NRXN3: variants seen among roughly 807,000 people sequenced by gnomAD.
NRXN3 encodes the protein neurexin 3, also known as neurexin III.
Under a neutral mutation model 137.6 loss-of-function variants are expected in NRXN3, and 32 were observed. That is an observed-to-expected ratio of 0.23 (90% CI 0.18 to 0.31). The LOEUF is 0.31. Ranked by LOEUF, NRXN3 falls within the 10% of genes least tolerant of loss-of-function variation. NRXN3 has a pLI of 1.00. For missense variants in NRXN3, 1,574 were observed against 2,062.5 expected (o/e 0.76, Z 4.59); for synonymous variants, 798 against 784.5 (o/e 1.02, Z -0.29).
At chr14:79,233,666 C>CTGTGTGTG (rs143246182) in intron 15 of NRXN3, among the ~76,000 whole-genome samples, 30 of 145,070 alleles carry the variant, frequency 2.1e-4, no homozygotes, top group African/African-American at 6.5e-4. Flanking sequence ...AGTATAACTG[C>CTGTGTGTG]TGTGTGTGTG....
At chr14:79,300,536 A>G (rs777565203) in intron 15 of NRXN3, among the ~76,000 whole-genome samples, 10 of 151,996 alleles carry the variant, frequency 6.6e-5, no homozygotes, top group Non-Finnish European at 1.2e-4. Flanking sequence ...TCTGGTTATT[A>G]GGCTGAGGAG....
chr14:79,772,447 G>A (rs370022498), intron 19 of NRXN3, among the ~76,000 whole-genome samples: 58 of 149,638 alleles, frequency 3.9e-4, no homozygotes, highest in Admixed American at 6.6e-4. Context: ...CAATGGAACA[G>A]AACAGAGCCC....
At chr14:79,138,716 T>C (rs1274533672) in intron 15 of NRXN3, among the ~76,000 whole-genome samples, 1 of 152,316 alleles carries the variant, frequency 6.6e-6, no homozygotes, top group Admixed American at 6.5e-5. Flanking sequence ...ATGACTGAAA[T>C]GAGAACTTGC....
At chr14:79,732,766 T>C (rs989924689) in intron 19 of NRXN3, among the ~76,000 whole-genome samples, 3 of 152,158 alleles carry the variant, frequency 2.0e-5, no homozygotes, top group African/African-American at 7.2e-5. Flanking sequence ...CCATCTTATA[T>C]ATGAGAAAAA....
At chr14:78,792,917 T>C (rs1484887178) in intron 8 of NRXN3, among the ~76,000 whole-genome samples, 5 of 152,212 alleles carry the variant, frequency 3.3e-5, no homozygotes, top group African/African-American at 1.2e-4. Flanking sequence ...TGTTACCATA[T>C]AATAACAATA....
chr14:79,115,302 G>T (rs1201726501), intron 15 of NRXN3, among the ~76,000 whole-genome samples: 2 of 132,954 alleles, frequency 1.5e-5, no homozygotes, highest in Admixed American at 8.2e-5. Context: ...TCCAGCCTGG[G>T]CAAGAAGAAC....
In NRXN3 at chr14:78,943,610, T is replaced by TAAAA. The variant is rs754141401; in HGVS notation, c.2276-13623_2276-13620dup. 5.7e-3 allele frequency among the ~76,000 whole-genome samples: 163 copies of TAAAA among 28,740 alleles called. 10 individuals carry two copies. The highest frequency in any genetic ancestry group is 8.2e-3 in the African/African-American group (42 of 5,152). The allele number at this position is 28,740 out of a possible 152,430, so 18.9% of individuals were successfully genotyped here. On this transcript the variant is annotated intron_variant, in intron 10 of 20. Transcript: ENST00000335750. ...TTGAGAAAAGAAGCAAGATCACTGT[T>TAAAA]AAAAAAAAAAAATATATATATATAT...
intron 1 of NRXN3, among the ~76,000 whole-genome samples, chr14:78,205,475 A>C (rs1393720443): frequency 6.6e-6 from 1 of 152,244 alleles, no homozygotes; most frequent in Non-Finnish European, 1.5e-5. Context: ...TAGAGTTTGC[A>C]TGAAAGAGCA....
chr14:78,636,563 G>A (rs1027926215), intron 4 of NRXN3, among the ~76,000 whole-genome samples: 2 of 152,140 alleles, frequency 1.3e-5, no homozygotes, highest in Non-Finnish European at 2.9e-5. Context: ...GGAATGGGGA[G>A]GAAATGTTCT....
intron 15 of NRXN3, among the ~76,000 whole-genome samples, chr14:79,422,012 C>G (rs1347436023): frequency 1.3e-5 from 2 of 151,992 alleles, no homozygotes; most frequent in Non-Finnish European, 2.9e-5. Flanking sequence ...TCTGATCTTG[C>G]TCTTATCATT....
chr14:79,373,480 G>A (rs1302414615), intron 15 of NRXN3, among the ~76,000 whole-genome samples: 1 of 152,178 alleles, frequency 6.6e-6, no homozygotes, highest in South Asian at 2.1e-4. Flanking sequence ...AAAGATTCCG[G>A]AAAGCGATTT....
chr14:78,655,170 A>G (rs1189510424), intron 6 of NRXN3, among the ~76,000 whole-genome samples: 1 of 152,184 alleles, frequency 6.6e-6, no homozygotes, highest in Non-Finnish European at 1.5e-5. Context: ...AAGACCACTG[A>G]TCTTACTCCA....
At position 78,979,563 on chromosome 14, in the gene NRXN3, A is replaced by G. The variant is rs141940994; in HGVS notation, c.3143-8459A>G. Among the ~76,000 whole-genome samples the G allele has an allele frequency of 2.3e-3, 344 of 152,334 alleles. 1 individual carries two copies. The highest frequency in any genetic ancestry group is 7.7e-3 in the African/African-American group (320 of 41,576). Reference sequence around the variant, plus strand: ...TAAATTTTAAAATGTGAAAGTAGAAAGATTAGGCACTTACCAGGGGTAGAA... The same window carrying G: ...TAAATTTTAAAATGTGAAAGTAGAAGGATTAGGCACTTACCAGGGGTAGAA... On this transcript the variant is annotated intron_variant, in intron 14 of 20. Coordinates refer to ENST00000335750, the MANE Select transcript of NRXN3 (RefSeq NM_001330195.2).
chr14:79,303,406 T>C (rs1205339361), intron 15 of NRXN3, among the ~76,000 whole-genome samples: 1 of 152,104 alleles, frequency 6.6e-6, no homozygotes, highest in Non-Finnish European at 1.5e-5. Context: ...GGCCACTTTT[T>C]CTGCCTTGTG....
intron 8 of NRXN3, among the ~76,000 whole-genome samples, chr14:78,786,423 T>C (rs1354276796): frequency 2.0e-5 from 3 of 152,220 alleles, no homozygotes; most frequent in African/African-American, 7.2e-5. Context: ...AACTGCATAT[T>C]TGAATTCAAA....
intron 1 of NRXN3, among the ~76,000 whole-genome samples, chr14:78,192,484 C>T (rs2060841239): frequency 6.6e-6 from 1 of 152,158 alleles, no homozygotes; most frequent in Admixed American, 6.5e-5. Context: ...TCATTCAATT[C>T]AACAAATCTT....
intron 16 of NRXN3, among the ~76,000 whole-genome samples, chr14:79,578,019 G>A (rs188937885): frequency 1.3e-5 from 2 of 152,288 alleles, no homozygotes; most frequent in East Asian, 3.9e-4. Flanking sequence ...ATGATCCAAA[G>A]GTCCAGAGTT....
intron 16 of NRXN3, among the ~76,000 whole-genome samples, chr14:79,621,855 T>A (rs867364502): frequency 2.0e-5 from 3 of 152,246 alleles, no homozygotes; most frequent in African/African-American, 7.2e-5. Context: ...AATTCACAGT[T>A]GGCTAAATCC....
chr14:79,039,700 A>G (rs2099622000), intron 15 of NRXN3, among the ~76,000 whole-genome samples: 1 of 152,010 alleles, frequency 6.6e-6, no homozygotes, highest in Non-Finnish European at 1.5e-5. Flanking sequence ...TTTTTATTTT[A>G]AATAGAGACA....
Sources: gnomAD v4.1 joint callset for allele counts (sites outside exome capture counted in the v4.1 genomes callset) on GRCh38, gnomAD v4.1.1 for gene constraint, MANE v1.5 for transcripts, NCBI Gene and HGNC (gene_info 2026-07-23, HGNC 2026-07-21) for gene names.